DLG2: variants seen among roughly 807,000 people sequenced by gnomAD.
DLG2 encodes discs large MAGUK scaffold protein 2, also known as disks large homolog 2.
Under a neutral mutation model 132.5 loss-of-function variants are expected in DLG2, and 45 were observed. The ratio of observed to expected loss-of-function variants is 0.34; its 90% CI spans 0.27 to 0.44. DLG2 has a LOEUF of 0.44. Ranked by LOEUF, DLG2 falls within the 20% of genes least tolerant of loss-of-function variation. The probability of loss-of-function intolerance (pLI) is 1.00; values close to 1 mark genes in which losing one functional copy is unlikely to be tolerated. For synonymous variants in DLG2, 424 were observed against 419.6 expected, an observed-to-expected ratio of 1.01 and a Z score of -0.13; for missense variants, 1,045 against 1,196.9, an observed-to-expected ratio of 0.87 and a Z score of 1.87.
chr11:85,438,232 C>T (rs2091594641), intron 3 of DLG2, among the ~76,000 whole-genome samples: 1 of 152,108 alleles, frequency 6.6e-6, no homozygotes, highest in Admixed American at 6.6e-5. Flanking sequence ...AAGACATCTG[C>T]CCCCATGACC....
chr11:84,552,903 C>T (rs903152581), intron 6 of DLG2, among the ~76,000 whole-genome samples: 2 of 152,172 alleles, frequency 1.3e-5, no homozygotes, highest in Non-Finnish European at 1.5e-5. Flanking sequence ...ATAAAACGCA[C>T]GCACTTTGAT....
At chr11:85,000,292 T>C (rs1336355321) in intron 6 of DLG2, among the ~76,000 whole-genome samples, 1 of 152,196 alleles carries the variant, frequency 6.6e-6, no homozygotes, top group Non-Finnish European at 1.5e-5. Flanking sequence ...GAGTTAAATT[T>C]TATAACTAGG....
chr11:85,069,349 A>G (rs531582128), intron 6 of DLG2, among the ~76,000 whole-genome samples: 1 of 152,290 alleles, frequency 6.6e-6, no homozygotes, highest in East Asian at 1.9e-4. Context: ...AGAAACTACC[A>G]TCAGAGTGAA....
At chr11:85,510,862 C>T (rs1261244679) in intron 3 of DLG2, among the ~76,000 whole-genome samples, 1 of 152,098 alleles carries the variant, frequency 6.6e-6, no homozygotes, top group Admixed American at 6.6e-5. Context: ...CCCAGCCATC[C>T]CATTACTGGG....
intron 18 of DLG2, among the ~76,000 whole-genome samples, chr11:83,783,219 C>T (rs1049596097): frequency 6.6e-6 from 1 of 151,998 alleles, no homozygotes. Flanking sequence ...TACCATGAAC[C>T]AGACACTGAA....
At chr11:84,959,695 T>C (rs2052247678) in intron 6 of DLG2, among the ~76,000 whole-genome samples, 1 of 152,192 alleles carries the variant, frequency 6.6e-6, no homozygotes, top group South Asian at 2.1e-4. Flanking sequence ...AGGAGGAAGA[T>C]TATAATATTA....
rs1028385950 is a variant in DLG2 at position 85,464,009 on chromosome 11, C to T, written c.40+134648G>A. On this transcript the variant is annotated intron_variant, in intron 3 of 27. Coordinates refer to ENST00000376104, the MANE Select transcript of DLG2 (RefSeq NM_001142699.3). ...ACATGTACACACACACACACATACA[C>T]ACACACACACACACGCCCCCCGAGA... 1.4e-4 allele frequency among the ~76,000 whole-genome samples: 21 copies of T among 150,648 alleles called. 1 individual carries two copies. The highest frequency in any genetic ancestry group is 4.1e-4 in the African/African-American group (17 of 40,992).
At chr11:84,605,279 C>G (rs998000165) in intron 6 of DLG2, among the ~76,000 whole-genome samples, 1 of 151,808 alleles carries the variant, frequency 6.6e-6, no homozygotes, top group African/African-American at 2.4e-5. Flanking sequence ...CCTTAGCATG[C>G]ATTTTTAGAA....
At chr11:83,635,182 A>G (rs1022699464) in intron 18 of DLG2, among the ~76,000 whole-genome samples, 1 of 152,172 alleles carries the variant, frequency 6.6e-6, no homozygotes, top group Non-Finnish European at 1.5e-5. Flanking sequence ...TCAAGGTTTT[A>G]GTGACTTATG....
chr11:84,741,488 G>C (rs993321465), intron 6 of DLG2, among the ~76,000 whole-genome samples: 12 of 151,058 alleles, frequency 7.9e-5, no homozygotes, highest in African/African-American at 2.9e-4. Flanking sequence ...CTCTGGCAAA[G>C]TCACACCACC....
intron 3 of DLG2, among the ~76,000 whole-genome samples, chr11:85,559,434 C>A (rs2077107262): frequency 6.6e-6 from 1 of 151,612 alleles, no homozygotes; most frequent in South Asian, 2.1e-4. Context: ...TAGGCATGAG[C>A]CACTGCGCCC....
At chr11:84,412,662 C>A (rs1051497219) in intron 7 of DLG2, among the ~76,000 whole-genome samples, 1 of 152,166 alleles carries the variant, frequency 6.6e-6, no homozygotes, top group African/African-American at 2.4e-5. Context: ...GAGCTGAGCA[C>A]CAGCCACCCT....
chr11:85,184,815 T>C (rs1012951884), intron 4 of DLG2, among the ~76,000 whole-genome samples: 12 of 151,790 alleles, frequency 7.9e-5, no homozygotes, highest in African/African-American at 2.9e-4. Flanking sequence ...CAGTTTCCAG[T>C]AGAGCAAAAT....
At chr11:84,992,936 A>C (rs928607213) in intron 6 of DLG2, among the ~76,000 whole-genome samples, 9 of 152,208 alleles carry the variant, frequency 5.9e-5, no homozygotes, top group African/African-American at 2.2e-4. Context: ...TATATACCTA[A>C]AGGATTATAA....
In DLG2 at chr11:85,584,425, C is replaced by A. The variant is rs58715908; in HGVS notation, c.40+14232G>T. Reference sequence around the variant, plus strand: ...ACTCGTTGGTTGATGGGCATTTAGGCTGGTTCACAGTTTTGCAGTTATAAA... The same window carrying A: ...ACTCGTTGGTTGATGGGCATTTAGGATGGTTCACAGTTTTGCAGTTATAAA... On this transcript the variant is annotated intron_variant, in intron 3 of 27. Transcript: ENST00000376104. Among the ~76,000 whole-genome samples, 1,382 of 151,316 alleles carry A rather than the reference C, an allele frequency of 9.1e-3. 19 individuals carry two copies. Among genetic ancestry groups the A allele is most frequent in the African/African-American group, 0.03 (1,236 of 41,186 alleles).
At chr11:83,959,678 T>A (rs187688724) in intron 14 of DLG2, among the ~76,000 whole-genome samples, 1 of 152,204 alleles carries the variant, frequency 6.6e-6, no homozygotes, top group East Asian at 1.9e-4. Context: ...TGAACTGACT[T>A]GTTCAGAGTT....
At chr11:85,605,227 C>T (rs2080444723) in intron 2 of DLG2, among the ~76,000 whole-genome samples, 1 of 152,168 alleles carries the variant, frequency 6.6e-6, no homozygotes, top group African/African-American at 2.4e-5. Flanking sequence ...CAAGATCACA[C>T]AGCTACTAAA....
Position 84,942,075 on chromosome 11 carries a change from C to G in DLG2, c.357+169586G>C, listed in dbSNP as rs538674634. 3.9e-5 allele frequency among the ~76,000 whole-genome samples: 6 copies of G among 152,160 alleles called. No individual in the cohort carries two copies. In the South Asian group the frequency reaches 1.2e-3, roughly 32 times the overall value. Reference sequence around the variant, plus strand: ...TAGTAGTCTCTAATTAGACTTTGAACTTCGGTGGTATCAGTTGTAATGTCT... The same window carrying G: ...TAGTAGTCTCTAATTAGACTTTGAAGTTCGGTGGTATCAGTTGTAATGTCT... On this transcript the variant is annotated intron_variant, in intron 6 of 27. Transcript: ENST00000376104.
At chr11:85,048,972 T>C (rs576901304) in intron 6 of DLG2, among the ~76,000 whole-genome samples, 1 of 152,206 alleles carries the variant, frequency 6.6e-6, no homozygotes, top group Admixed American at 6.6e-5. Context: ...TAAGCTACTT[T>C]GATTAGCATT....
Sources: allele counts gnomAD v4.1 joint callset (sites outside exome capture counted in the v4.1 genomes callset), GRCh38; gene constraint gnomAD v4.1.1; transcripts MANE v1.5; gene names NCBI Gene and HGNC (gene_info 2026-07-23, HGNC 2026-07-21).